ITGA8: variants seen among roughly 807,000 people sequenced by gnomAD.
ITGA8 encodes integrin subunit alpha 8.
A neutral mutation model predicts 142.3 loss-of-function variants in ITGA8; 91 were observed. That is an observed-to-expected ratio of 0.64 (90% confidence interval 0.54 to 0.76). ITGA8 has a LOEUF of 0.76. ITGA8 is among the 30% of genes least tolerant of loss of function. The probability of loss-of-function intolerance (pLI) is 0.00; values close to 1 mark genes in which losing one functional copy is unlikely to be tolerated. For missense variants in ITGA8, 1,406 were observed against 1,327.7 expected (o/e 1.06, Z -0.92); for synonymous variants, 505 against 485.2 (o/e 1.04, Z -0.54).
At chr10:15,530,541 C>CAAG (rs1833267551) in intron 28 of ITGA8, among the ~76,000 whole-genome samples, 1 of 75,214 alleles carries the variant, frequency 1.3e-5, no homozygotes, top group East Asian at 4.3e-4. Context: ...GCGAGACTCT[C>CAAG]AAAAAAAAAA....
intron 26 of ITGA8, among the ~76,000 whole-genome samples, chr10:15,551,140 C>T (rs1164213327): frequency 2.6e-5 from 4 of 151,862 alleles, no homozygotes; most frequent in Admixed American, 1.3e-4. Context: ...CGAGGACGGG[C>T]GTGGCTCTCA....
At chr10:15,715,798 G>A (rs1330982759) in intron 2 of ITGA8, among the ~76,000 whole-genome samples, 2 of 152,340 alleles carry the variant, frequency 1.3e-5, no homozygotes, top group East Asian at 3.9e-4. Context: ...CATCTGCTGT[G>A]CCTTCTTCAC....
At chr10:15,635,695 A>G (rs540962690) in intron 13 of ITGA8, among the ~76,000 whole-genome samples, 1 of 152,348 alleles carries the variant, frequency 6.6e-6, no homozygotes, top group African/African-American at 2.4e-5. Context: ...TCATGAAACT[A>G]TGAATATCTT....
intron 13 of ITGA8, among the ~76,000 whole-genome samples, chr10:15,628,026 C>T (rs534589104): frequency 6.6e-6 from 1 of 151,998 alleles, no homozygotes; most frequent in Non-Finnish European, 1.5e-5. Flanking sequence ...CATTAGCATA[C>T]TAAAAGACAC....
At chr10:15,552,482 T>C (rs567391187) in intron 26 of ITGA8, among the ~76,000 whole-genome samples, 10 of 152,334 alleles carry the variant, frequency 6.6e-5, no homozygotes, top group African/African-American at 2.2e-4. Flanking sequence ...TGTTTGGACA[T>C]TGGTTTTTCA....
At chr10:15,669,803 C>G (rs747349440) in intron 8 of ITGA8, among the ~76,000 whole-genome samples, 2 of 152,194 alleles carry the variant, frequency 1.3e-5, no homozygotes, top group African/African-American at 2.4e-5. Flanking sequence ...TCCTGGGTAT[C>G]AGCAGCAGAG....
chr10:15,659,118 A>T lies in ITGA8; in HGVS notation c.892-63T>A, dbSNP rs12761039. 2.7e-6 allele frequency: 3 copies of T among 1,128,748 alleles called. No individual in the cohort carries two copies. The African/African-American group carries it at 4.8e-5, about 18-fold the overall frequency. The allele number at this position is 1,128,748 out of a possible 1,614,324, so 69.9% of individuals were successfully genotyped here. A position where few individuals can be genotyped will look rare whatever the true frequency, so the allele number is the denominator to read the frequency against. ...CATAGAATTGGAGCCTTTTTTAAAA[A>T]CTACAACTTGAATCATTTAAAATTT... is the stretch of plus-strand genomic sequence containing the variant. On this transcript the variant is annotated intron_variant, in intron 9 of 29. Transcript: ENST00000378076.
chr10:15,577,033 C>G (rs2131584701), intron 23 of ITGA8, among the ~76,000 whole-genome samples: 1 of 152,300 alleles, frequency 6.6e-6, no homozygotes, highest in South Asian at 2.1e-4. Context: ...ACCTGGGTTT[C>G]TATACCAGTC....
At chr10:15,630,404 G>A (rs1003948695) in intron 13 of ITGA8, among the ~76,000 whole-genome samples, 8 of 151,992 alleles carry the variant, frequency 5.3e-5, no homozygotes, top group Non-Finnish European at 8.8e-5. Flanking sequence ...GCTGCCTTGG[G>A]CATTAGGATT....
chr10:15,575,410 T>A lies in ITGA8; in HGVS notation c.2478+79A>T. The A allele has an allele frequency of 1.3e-5, 13 of 993,610 alleles. No homozygotes were observed. The South Asian group carries it at 1.5e-4, about 12-fold the overall frequency. 61.5% of individuals were successfully genotyped at this position (993,610 alleles called of 1,614,324 possible). ...GTCTCAATAATAATAATGATAATGA[T>A]AATAATGCTACATAGAATTTATTTG... On this transcript the variant is annotated intron_variant, in intron 24 of 29. Transcript: ENST00000378076.
chr10:15,652,732 T>C (rs182313004), intron 11 of ITGA8, among the ~76,000 whole-genome samples: 17 of 152,346 alleles, frequency 1.1e-4, no homozygotes, highest in Non-Finnish European at 2.4e-4. Flanking sequence ...GACATTCAAC[T>C]ATAACTTCGA....
intron 27 of ITGA8, among the ~76,000 whole-genome samples, chr10:15,542,006 T>C (rs1233832356): frequency 6.6e-6 from 1 of 152,192 alleles, no homozygotes; most frequent in African/African-American, 2.4e-5. Flanking sequence ...CTGTTGTGTT[T>C]ATTCAAACCT....
intron 13 of ITGA8, among the ~76,000 whole-genome samples, chr10:15,617,300 G>T (rs1339077087): frequency 6.6e-6 from 1 of 151,866 alleles, no homozygotes; most frequent in Non-Finnish European, 1.5e-5. Context: ...GTAGGTAAGT[G>T]GTGGAACTGG....
At chr10:15,612,513 T>G (rs1176257332) in intron 15 of ITGA8, among the ~76,000 whole-genome samples, 1 of 152,210 alleles carries the variant, frequency 6.6e-6, no homozygotes, top group African/African-American at 2.4e-5. Flanking sequence ...TTAACCAACA[T>G]AGTGACTTCT....
intron 26 of ITGA8, among the ~76,000 whole-genome samples, chr10:15,555,540 C>G (rs1035191685): frequency 2.6e-5 from 4 of 152,184 alleles, no homozygotes; most frequent in African/African-American, 7.2e-5. Flanking sequence ...AGGAGCCATT[C>G]ACAGTTTCCG....
chr10:15,665,401 A>G (rs1444502244), intron 8 of ITGA8, among the ~76,000 whole-genome samples: 1 of 152,068 alleles, frequency 6.6e-6, no homozygotes, highest in East Asian at 1.9e-4. Flanking sequence ...AGTTCATTGT[A>G]GATTCTGGAT....
intron 2 of ITGA8, among the ~76,000 whole-genome samples, chr10:15,717,985 T>A (rs1835484966): frequency 6.6e-6 from 1 of 152,270 alleles, no homozygotes; most frequent in South Asian, 2.1e-4. Context: ...TATTCGCATT[T>A]TTCTGGAAAG....
At chr10:15,651,674 G>A (rs1390133075) in intron 11 of ITGA8, among the ~76,000 whole-genome samples, 1 of 151,928 alleles carries the variant, frequency 6.6e-6, no homozygotes, top group African/African-American at 2.4e-5. Flanking sequence ...CTCCAGCTTG[G>A]GGAAAGGAGA....
chr10:15,671,442 C>T (rs1257566518), intron 8 of ITGA8, among the ~76,000 whole-genome samples, 161 bp downstream of exon 8: 2 of 152,200 alleles, frequency 1.3e-5, no homozygotes, highest in Admixed American at 6.5e-5. Context: ...ACTTAAAATG[C>T]TGTATCAAAG....
Sources: gnomAD v4.1 joint callset for allele counts (sites outside exome capture counted in the v4.1 genomes callset) on GRCh38, gnomAD v4.1.1 for gene constraint, MANE v1.5 for transcripts, NCBI Gene and HGNC (gene_info 2026-07-23, HGNC 2026-07-21) for gene names.